Variants in TOX2 observed in about 807,000 individuals in gnomAD.
TOX2 encodes granulosa cell HMG box 1.
A neutral mutation model predicts 47.4 loss-of-function variants in TOX2; 15 were observed. That is an observed-to-expected ratio of 0.32 (90% confidence interval 0.21 to 0.49). The LOEUF is 0.49. Among genes scored for constraint, TOX2 ranks in the 20% least tolerant of loss-of-function variants. TOX2 has a pLI of 0.99. For synonymous variants in TOX2, 290 were observed against 296.6 expected, an observed-to-expected ratio of 0.98 and a Z score of 0.23; for missense variants, 622 against 673.1, an observed-to-expected ratio of 0.92 and a Z score of 0.84.
chr20:43,946,144 G>A (rs1473056244), intron 1 of TOX2: 10 of 1,483,678 alleles, frequency 6.7e-6, no homozygotes, highest in Non-Finnish European at 9.1e-6. Flanking sequence ...ACCTGGACTG[G>A]TGCTTGTCAC....
At chr20:43,932,947 C>G (rs2069275349) in intron 1 of TOX2, among the ~76,000 whole-genome samples, 1 of 152,164 alleles carries the variant, frequency 6.6e-6, no homozygotes, top group Non-Finnish European at 1.5e-5. Context: ...TCCTGGCTGT[C>G]TGGTGGCAGG....
chr20:44,007,178 A>G (rs1416254091), intron 3 of TOX2: 1 of 199,690 alleles, frequency 5.0e-6, no homozygotes, highest in African/African-American at 2.3e-5. Flanking sequence ...CTTTTCATAT[A>G]TTGACAGAGT....
In TOX2 at chr20:43,971,216, C is replaced by T. The variant is rs542984181; in HGVS notation, c.100-2151C>T. 6.7e-4 allele frequency among the ~76,000 whole-genome samples: 102 copies of T among 152,308 alleles called. 1 individual carries two copies. Among genetic ancestry groups the T allele is most frequent in the African/African-American group, 2.3e-3 (97 of 41,566 alleles). The stretch of plus-strand genomic sequence containing the variant: ...GGCACTGTTCTAGGAGCTTGGGAGA[C>T]ATCAAGGTACAGATAGACAAAGATC... On this transcript the variant is annotated intron_variant, in intron 1 of 8. Coordinates refer to ENST00000341197, the MANE Select transcript of TOX2 (RefSeq NM_001098797.2).
chr20:44,003,337 C>A (rs1406228960), intron 2 of TOX2, among the ~76,000 whole-genome samples: 2 of 152,052 alleles, frequency 1.3e-5, no homozygotes, highest in South Asian at 2.1e-4. Flanking sequence ...AGGTGCATGG[C>A]CACACACCCA....
chr20:43,933,523 A>AAGGCGCTTGTGTT (rs59941669), intron 1 of TOX2, among the ~76,000 whole-genome samples: 2,419 of 152,310 alleles, frequency 0.016, 29 homozygotes, highest in Middle Eastern at 0.024. Flanking sequence ...TTTGAGAATC[A>AAGGCGCTTGTGTT]AGGCGCTTGT....
At chr20:43,930,909 GT>G (rs2069244053) in intron 1 of TOX2, among the ~76,000 whole-genome samples, 1 of 152,092 alleles carries the variant, frequency 6.6e-6, no homozygotes, top group Admixed American at 6.6e-5. Flanking sequence ...CCCTACCATG[GT>G]TTTCTGGAAG....
At chr20:43,954,539 G>C (rs1032126333) in intron 1 of TOX2, among the ~76,000 whole-genome samples, 1 of 152,186 alleles carries the variant, frequency 6.6e-6, no homozygotes, top group African/African-American at 2.4e-5. Flanking sequence ...AAACCTCTGC[G>C]GAAAGATGAA....
At chr20:43,931,670 T>A (rs954659316) in intron 1 of TOX2, among the ~76,000 whole-genome samples, 5 of 152,100 alleles carry the variant, frequency 3.3e-5, no homozygotes, top group Non-Finnish European at 5.9e-5. Flanking sequence ...TTTAGAAGAA[T>A]CTTTGCAGTT....
chr20:43,962,852 C>G (rs1245736228), intron 1 of TOX2, among the ~76,000 whole-genome samples: 3 of 152,080 alleles, frequency 2.0e-5, no homozygotes, highest in African/African-American at 7.2e-5. Flanking sequence ...TTTCTAATAG[C>G]CATGTTCAGA....
At chr20:43,968,157 C>T (rs28671659) in intron 1 of TOX2, among the ~76,000 whole-genome samples, 3 of 152,226 alleles carry the variant, frequency 2.0e-5, no homozygotes, top group Non-Finnish European at 4.4e-5. Flanking sequence ...CCCATCCATT[C>T]GTCCACCCAT....
At chr20:43,931,920 A>G (rs138131342) in intron 1 of TOX2, among the ~76,000 whole-genome samples, 8 of 152,340 alleles carry the variant, frequency 5.3e-5, no homozygotes, top group East Asian at 1.9e-4. Context: ...TTTAGCCCCT[A>G]TTGGGCAGCG....
At chr20:43,965,353 A>C (rs1376256193) in intron 1 of TOX2, among the ~76,000 whole-genome samples, 1 of 152,212 alleles carries the variant, frequency 6.6e-6, no homozygotes, top group Non-Finnish European at 1.5e-5. Context: ...TTTCCTTTGT[A>C]GATTTGGAGA....
chr20:43,940,249 T>C (rs2069384969), intron 1 of TOX2, among the ~76,000 whole-genome samples: 1 of 152,062 alleles, frequency 6.6e-6, no homozygotes, highest in African/African-American at 2.4e-5. Context: ...GGTGTCCTAC[T>C]CTGTCACCCA....
intron 1 of TOX2, among the ~76,000 whole-genome samples, chr20:43,933,461 GA>G (rs1047151417): frequency 7.9e-5 from 12 of 152,318 alleles, no homozygotes; most frequent in Non-Finnish European, 1.5e-4. Context: ...GGCGGGTCCA[GA>G]GATCTGGCAT....
intron 3 of TOX2, among the ~76,000 whole-genome samples, chr20:44,025,159 T>A (rs1021063120): frequency 7.2e-5 from 11 of 152,104 alleles, no homozygotes; most frequent in East Asian, 3.9e-4. Context: ...TTTTAAAAAA[T>A]TTTATTATTA....
At chr20:43,949,124 C>T (rs2069517024) in intron 1 of TOX2, among the ~76,000 whole-genome samples, 1 of 152,216 alleles carries the variant, frequency 6.6e-6, no homozygotes, top group Non-Finnish European at 1.5e-5. Flanking sequence ...TCCGTCACCT[C>T]AAAATGCCCC....
rs912425768 is a variant in TOX2 at position 44,006,624 on chromosome 20, C to G, written c.243C>G (p.Ser81=). The change falls in exon 3 of 9, where the codon TCC becomes TCG. Residue 81 remains serine, a synonymous_variant. Coordinates refer to ENST00000341197, the MANE Select transcript of TOX2 (RefSeq NM_001098797.2). The part of the protein sequence containing the change: ...PITPPNLPEP[S]LLHLGDHEAS... ...CACCTCCCAACCTCCCGGAGCCATCCCTCCTGCACCTGGGGGACCACGAAG... is the reference window on the plus strand; with the variant it reads ...CACCTCCCAACCTCCCGGAGCCATCGCTCCTGCACCTGGGGGACCACGAAG... The G allele has an allele frequency of 6.2e-7, 1 of 1,614,142 alleles. No individual in the cohort carries two copies. Among genetic ancestry groups the G allele is most frequent in the South Asian group, 1.1e-5 (1 of 91,086 alleles).
At chr20:44,002,393 A>C (rs544309523) in intron 2 of TOX2, among the ~76,000 whole-genome samples, 62 of 152,324 alleles carry the variant, frequency 4.1e-4, no homozygotes, top group African/African-American at 1.5e-3. Flanking sequence ...ACTCCAGATG[A>C]GGGCAGCAAG....
chr20:44,053,845 G>T (rs73908515), intron 4 of TOX2, among the ~76,000 whole-genome samples: 3 of 151,910 alleles, frequency 2.0e-5, no homozygotes, highest in African/African-American at 7.3e-5. Flanking sequence ...TACCTTGGGC[G>T]GGGGAGGGGA....
Sources: allele counts gnomAD v4.1 joint callset (sites outside exome capture counted in the v4.1 genomes callset), GRCh38; gene constraint gnomAD v4.1.1; transcripts MANE v1.5; gene names NCBI Gene and HGNC (gene_info 2026-07-23, HGNC 2026-07-21).